Variants in ALPK3 observed in about 807,000 individuals in gnomAD.
ALPK3 encodes the protein alpha-protein kinase 3.
ALPK3 carries 102 observed loss-of-function variants against 140.0 expected under a neutral mutation model. The ratio of observed to expected loss-of-function variants is 0.73; its 90% CI spans 0.62 to 0.86. The LOEUF (loss-of-function observed/expected upper bound fraction) is 0.86. Ranked by LOEUF, ALPK3 falls within the 40% of genes least tolerant of loss-of-function variation. ALPK3 has a pLI of 0.00. For synonymous variants in ALPK3, 938 were observed against 898.5 expected (o/e 1.04, Z -0.79); for missense variants, 2,254 against 2,208.2 (o/e 1.02, Z -0.42).
At position 84,817,544 on chromosome 15, in the gene ALPK3, TC is replaced by T; in HGVS notation, c.96del (p.Ser33AlafsTer76). On this transcript the variant is annotated frameshift_variant, in exon 1 of 14. Coordinates refer to ENST00000258888, the MANE Select transcript of ALPK3 (RefSeq NM_020778.5). LOFTEE classifies it high-confidence loss of function. ...GDGEDDGPVW[I>X]PSPASRSYLL... ...GGTGAGGACGACGGCCCCGTGTGGA[TC>T]CCCAGCCCAGCCAGCCGGAGCTACC... The T allele has an allele frequency of 6.7e-7, 1 of 1,501,048 alleles. No individual in the cohort carries two copies. The highest frequency in any genetic ancestry group is 1.5e-5 in the African/African-American group (1 of 68,910). The allele number at this position is 1,501,048 out of a possible 1,614,324, so 93.0% of individuals were successfully genotyped here. A position where few individuals can be genotyped will look rare whatever the true frequency, so the allele number is the denominator to read the frequency against.
In ALPK3 at chr15:84,857,265, C is replaced by T. The variant is rs367609681; in HGVS notation, c.2527C>T (p.Arg843Trp). 46 of 1,614,020 alleles carry T rather than the reference C, an allele frequency of 2.9e-5. No individual in the cohort carries two copies. Among genetic ancestry groups the T allele is most frequent in the South Asian group, 3.3e-5 (3 of 91,070 alleles). Residue 843 changes from arginine to tryptophan, a missense_variant, in exon 6 of 14, where the codon CGG (arginine) becomes TGG (tryptophan). Coordinates refer to ENST00000258888, the MANE Select transcript of ALPK3 (RefSeq NM_020778.5). ...CCCGTTCCAGTGCCCCAAGGAGGAG[C>T]GGCCAGGGGGAGTGCCGTGTATGGA... Reference protein sequence around the residue: ...DSPFQCPKEERPGGVPCMDQG... With the variant: ...DSPFQCPKEEWPGGVPCMDQG...
intron 5 of ALPK3, among the ~76,000 whole-genome samples, chr15:84,845,878 G>A (rs1963725072): frequency 6.6e-6 from 1 of 152,152 alleles, no homozygotes; most frequent in African/African-American, 2.4e-5. Flanking sequence ...GGCCAAAATA[G>A]TGAAACACTT....
At chr15:84,817,828 A>G (rs1963378721) in intron 1 of ALPK3, among the ~76,000 whole-genome samples, 1 of 152,148 alleles carries the variant, frequency 6.6e-6, no homozygotes, top group South Asian at 2.1e-4. Context: ...TCAAGAGAGG[A>G]CAAAGGCTCC....
chr15:84,824,853 G>T (rs1963467789), intron 2 of ALPK3, among the ~76,000 whole-genome samples: 1 of 152,144 alleles, frequency 6.6e-6, no homozygotes, highest in Non-Finnish European at 1.5e-5. Context: ...GCTTTCCAGG[G>T]TATAGGGTGC....
chr15:84,848,470 T>C (rs577721577), intron 5 of ALPK3, among the ~76,000 whole-genome samples: 50 of 152,154 alleles, frequency 3.3e-4, no homozygotes, highest in African/African-American at 1.1e-3. Context: ...CAAAGAGATA[T>C]AGTAAAAATC....
intron 1 of ALPK3, among the ~76,000 whole-genome samples, chr15:84,820,654 G>C (rs966298530): frequency 6.6e-6 from 1 of 152,074 alleles, no homozygotes; most frequent in Non-Finnish European, 1.5e-5. Context: ...GCTAATTTTT[G>C]TATTTTTAGC....
rs1314965499 is a variant in ALPK3, at chr15:84,858,049, G to A, written c.3311G>A (p.Gly1104Glu). ...EVSPEGPGLL[G>E]ASQESSMAGR... ...TCCCCTGAGGGGCCTGGCCTCCTGG[G>A]GGCCTCTCAGGAGAGCAGCATGGCT... Residue 1104 changes from glycine to glutamate, a missense_variant, in exon 6 of 14, where the codon GGG becomes GAG. By Grantham distance (98) the Gly-to-Glu change is moderately conservative. This residue lies in a region of ALPK3 where 2,088 missense variants were observed against 2,022.9 expected (regional missense o/e 1.03). Coordinates refer to ENST00000258888, the MANE Select transcript of ALPK3 (RefSeq NM_020778.5). The A allele has an allele frequency of 1.3e-6, 2 of 1,568,482 alleles. No individual in the cohort carries two copies. Among genetic ancestry groups the A allele is most frequent in the Non-Finnish European group, 8.6e-7 (1 of 1,160,238 alleles).
chr15:84,822,857 T>C (rs1243730758), intron 1 of ALPK3, among the ~76,000 whole-genome samples: 1 of 152,248 alleles, frequency 6.6e-6, no homozygotes, highest in Non-Finnish European at 1.5e-5. Context: ...TACTTTAACA[T>C]ATTAATGATG....
At chr15:84,822,942 C>T (rs1330875722) in intron 1 of ALPK3, among the ~76,000 whole-genome samples, 3 of 152,276 alleles carry the variant, frequency 2.0e-5, no homozygotes, top group African/African-American at 7.2e-5. Context: ...CTCCCAAAGG[C>T]CAAGAATTGA....
chr15:84,834,573 T>C (rs1963579527), intron 3 of ALPK3, among the ~76,000 whole-genome samples: 2 of 152,258 alleles, frequency 1.3e-5, no homozygotes, highest in Non-Finnish European at 2.9e-5. Context: ...TGAAATTCTA[T>C]GTATTTGAAA....
chr15:84,850,879 T>TATATATACACACACACACAC (rs144798232), intron 5 of ALPK3, among the ~76,000 whole-genome samples: 2 of 142,366 alleles, frequency 1.4e-5, no homozygotes, highest in Admixed American at 7.0e-5. Flanking sequence ...GTTCCAGATA[T>TATATATACACACACACACAC]ACACACACAC....
At chr15:84,834,752 G>T (rs566724933) in intron 3 of ALPK3, among the ~76,000 whole-genome samples, 55 of 152,366 alleles carry the variant, frequency 3.6e-4, no homozygotes, top group African/African-American at 1.3e-3. Flanking sequence ...GAAGGCCACA[G>T]GCTCAAGTGC....
At position 84,857,387 on chromosome 15, in the gene ALPK3, G is replaced by T; in HGVS notation, c.2649G>T (p.Pro883=). 1.2e-6 allele frequency: 2 copies of T among 1,614,052 alleles called. No individual in the cohort carries two copies. Among genetic ancestry groups the T allele is most frequent in the Non-Finnish European group, 1.7e-6 (2 of 1,180,024 alleles). ...TGLTASPKAG[P]CSTPTSQHGS... ...TGACAGCTAGCCCAAAGGCGGGGCC[G>T]TGTAGCACCCCGACTTCTCAGCACG... Residue 883 remains proline, a synonymous_variant, in exon 6 of 14, where the codon CCG becomes CCT. Coordinates refer to ENST00000258888, the MANE Select transcript of ALPK3 (RefSeq NM_020778.5).
In ALPK3 at chr15:84,840,974, C is replaced by A. The variant is rs371170546; in HGVS notation, c.1653+42C>A. The A allele has an allele frequency of 3.8e-5, 58 of 1,514,134 alleles. No individual in the cohort carries two copies. In the African/African-American group the frequency reaches 7.3e-4, roughly 19 times the overall value. 93.8% of individuals were successfully genotyped at this position (1,514,134 alleles called of 1,614,324 possible). ...GGTGCCTGGAGGCCGCTCTGGGAAG[C>A]TGACCTCATGGAAACTCTTGCTGCA... On this transcript the variant is annotated intron_variant, in intron 5 of 13. Coordinates refer to ENST00000258888, the MANE Select transcript of ALPK3 (RefSeq NM_020778.5).
Position 84,857,678 on chromosome 15 carries a change from A to C in ALPK3, c.2940A>C (p.Gly980=), listed in dbSNP as rs1221364093. The C allele has an allele frequency of 6.2e-7, 1 of 1,606,856 alleles. No homozygotes were observed. ...GCACAGAGACAAGTGGAGCAGGGGGAGAGTCCCAGGTGGGGGCAGCCACCG... is the reference window on the plus strand; with the variant it reads ...GCACAGAGACAAGTGGAGCAGGGGGCGAGTCCCAGGTGGGGGCAGCCACCG... ...LSSTETSGAG[G]ESQVGAATGG... The change falls in exon 6 of 14, where the codon GGA becomes GGC. Residue 980 remains glycine (G), a synonymous_variant. Transcript: ENST00000258888.
chr15:84,867,222 T>A, intron 12 of ALPK3, 95 bp from the exon 13 acceptor site: 6 of 1,228,408 alleles, frequency 4.9e-6, no homozygotes, highest in African/African-American at 1.5e-5. Context: ...GGAAGAGACA[T>A]GGTTCTAAGC....
At chr15:84,845,397 G>A (rs1478357608) in intron 5 of ALPK3, among the ~76,000 whole-genome samples, 2 of 151,530 alleles carry the variant, frequency 1.3e-5, no homozygotes, top group African/African-American at 2.4e-5. Context: ...TTTTTCTCCT[G>A]GGTCTCTTCC....
chr15:84,867,452 G>A, intron 13 of ALPK3, 87 bp downstream of exon 13: 3 of 1,523,098 alleles, frequency 2.0e-6, no homozygotes, highest in Non-Finnish European at 2.7e-6. Context: ...CCATCCCTGA[G>A]GTGCTGGGCC....
At chr15:84,845,594 C>A (rs1240390409) in intron 5 of ALPK3, among the ~76,000 whole-genome samples, 2 of 152,196 alleles carry the variant, frequency 1.3e-5, no homozygotes, top group Non-Finnish European at 2.9e-5. Context: ...TTATAAATTT[C>A]TGGGCTCATC....
Sources: allele counts gnomAD v4.1 joint callset (sites outside exome capture counted in the v4.1 genomes callset), GRCh38; gene constraint gnomAD v4.1.1; regional missense constraint gnomAD v4.1.1; transcripts MANE v1.5; gene names NCBI Gene and HGNC (gene_info 2026-07-23, HGNC 2026-07-21).